The following TIPIN variants were observed in gnomAD, a reference collection of about 807,000 sequenced individuals.
TIPIN encodes TIMELESS interacting protein.
Under a neutral mutation model 35.6 loss-of-function variants are expected in TIPIN, and 29 were observed. The ratio of observed to expected loss-of-function variants is 0.82; its 90% CI spans 0.61 to 1.11. TIPIN has a LOEUF of 1.11. TIPIN is among the 50% of genes most tolerant of loss of function. The pLI is 0.00. For synonymous variants in TIPIN, 102 were observed against 121.5 expected, an observed-to-expected ratio of 0.84 and a Z score of 1.06; for missense variants, 296 against 345.4, an observed-to-expected ratio of 0.86 and a Z score of 1.13.
At chr15:66,371,380 A>C in intron 1 of TIPIN, 1 of 985,168 alleles carries the variant, frequency 1.0e-6, no homozygotes, top group South Asian at 4.7e-5. Context: ...AATGTGAGAA[A>C]GGCCTATATC....
intron 4 of TIPIN, among the ~76,000 whole-genome samples, chr15:66,349,995 T>G (rs1595795684): frequency 6.6e-6 from 1 of 152,058 alleles, no homozygotes; most frequent in East Asian, 1.9e-4. Context: ...AGATTCTCGC[T>G]TTCTTACCCA....
At chr15:66,379,622 G>T in intron 1 of TIPIN, 3 of 1,609,346 alleles carry the variant, frequency 1.9e-6, no homozygotes, top group Non-Finnish European at 2.6e-6. Context: ...TGATGGGGAA[G>T]TAAGCATACA....
In TIPIN at chr15:66,367,982, C is replaced by T. The variant is rs559076424; in HGVS notation, c.-8-15027G>A. The stretch of plus-strand genomic sequence containing the variant: ...CTGAGTAGCTGGGACTACAGGTGCG[C>T]GCCACCATGGCTGACTAATTTTTGT... On this transcript the variant is annotated intron_variant, in intron 1 of 7. Transcript: ENST00000562124. Among the ~76,000 whole-genome samples the T allele has an allele frequency of 3.1e-4, 47 of 151,460 alleles. No individual in the cohort carries two copies. The South Asian group carries it at 5.8e-3, about 19-fold the overall frequency.
At chr15:66,367,649 T>C (rs1000498095) in intron 1 of TIPIN, among the ~76,000 whole-genome samples, 6 of 151,868 alleles carry the variant, frequency 4.0e-5, no homozygotes, top group Non-Finnish European at 7.4e-5. Context: ...TGCCTCGGCC[T>C]CCCAAAGTGC....
At chr15:66,371,839 G>A (rs917757280) in intron 1 of TIPIN, among the ~76,000 whole-genome samples, 2 of 151,908 alleles carry the variant, frequency 1.3e-5, no homozygotes, top group African/African-American at 4.8e-5. Context: ...CTTTTGCCCA[G>A]GCTGGGGTGC....
chr15:66,355,223 C>A (rs2093195673), intron 1 of TIPIN, among the ~76,000 whole-genome samples: 1 of 150,872 alleles, frequency 6.6e-6, no homozygotes, highest in Admixed American at 6.6e-5. Flanking sequence ...TTCATAGAGA[C>A]GGTGTTTCAC....
intron 1 of TIPIN, among the ~76,000 whole-genome samples, chr15:66,355,300 T>G (rs1260149763): frequency 1.3e-5 from 2 of 151,412 alleles, no homozygotes; most frequent in African/African-American, 4.8e-5. Context: ...CCTAAAATGC[T>G]GGGATTACAG....
intron 1 of TIPIN, among the ~76,000 whole-genome samples, chr15:66,365,530 C>T (rs1428506346): frequency 6.6e-6 from 1 of 152,160 alleles, no homozygotes; most frequent in Non-Finnish European, 1.5e-5. Context: ...GCCCAAGCTG[C>T]TGCTCTGCAT....
At chr15:66,382,120 TCAC>T (rs2093320900) in intron 1 of TIPIN, among the ~76,000 whole-genome samples, 1 of 152,202 alleles carries the variant, frequency 6.6e-6, no homozygotes, top group South Asian at 2.1e-4. Flanking sequence ...CCTATCACCA[TCAC>T]CATTTATTTA....
chr15:66,352,902 C>T lies in TIPIN; in HGVS notation c.46G>A (p.Glu16Lys). ...ENGVIDLPDY[E>K]HVEDETFPPF... ...GGAAAAGTTTCATCTTCTACATGCT[C>T]ATAATCTGGTAGGTCAATCACGCCA... is the stretch of plus-strand genomic sequence containing the variant. Residue 16 changes from glutamate to lysine, a missense_variant, in exon 2 of 8, where the codon GAG (glutamate) becomes AAG (lysine). Glu to Lys is a moderately conservative substitution (Grantham distance 56, BLOSUM62 1). Transcript: ENST00000261881. 1 of 1,614,074 alleles carries T rather than the reference C, an allele frequency of 6.2e-7. No individual in the cohort carries two copies. The highest frequency in any genetic ancestry group is 8.5e-7 in the Non-Finnish European group (1 of 1,179,994).
At chr15:66,349,526 A>G in intron 4 of TIPIN, 89 bp from the exon 5 acceptor site, 1 of 1,488,774 alleles carries the variant, frequency 6.7e-7, no homozygotes, top group South Asian at 1.3e-5. Context: ...AGCTATGCCA[A>G]AATCACTGGG....
intron 1 of TIPIN, among the ~76,000 whole-genome samples, chr15:66,353,416 G>A (rs1394210734): frequency 6.6e-6 from 1 of 151,948 alleles, no homozygotes. Flanking sequence ...AGGAGATCGA[G>A]ACCATCCTGG....
intron 4 of TIPIN, among the ~76,000 whole-genome samples, chr15:66,350,597 C>T (rs746815495): frequency 7.4e-6 from 1 of 135,486 alleles, no homozygotes; most frequent in Non-Finnish European, 1.6e-5. Flanking sequence ...AAGGGCAAAA[C>T]TTCATCTCAA....
At chr15:66,357,728 C>T (rs1205119696), upstream of TIPIN, among the ~76,000 whole-genome samples, 2 of 151,670 alleles carry the variant, frequency 1.3e-5, no homozygotes, top group East Asian at 1.9e-4. Flanking sequence ...GAGGCCGAGG[C>T]GGGCAGATCA....
intron 4 of TIPIN, among the ~76,000 whole-genome samples, chr15:66,351,308 A>G (rs533203410): frequency 2.0e-4 from 31 of 152,334 alleles, no homozygotes; most frequent in African/African-American, 7.0e-4. Flanking sequence ...TGATTTTCCT[A>G]TAGCCAAGGT....
chr15:66,378,493 T>C (rs1414206980), intron 1 of TIPIN, among the ~76,000 whole-genome samples: 3 of 152,190 alleles, frequency 2.0e-5, no homozygotes, highest in Admixed American at 6.6e-5. Flanking sequence ...ATATTGTAAA[T>C]GTTTATTTTC....
At chr15:66,356,812 C>G (rs1427221672), upstream of TIPIN, 2 of 834,986 alleles carry the variant, frequency 2.4e-6, no homozygotes, top group Non-Finnish European at 2.9e-6. Flanking sequence ...CCCAGCACGC[C>G]GGTCCCGCCT....
intron 7 of TIPIN, among the ~76,000 whole-genome samples, chr15:66,340,171 C>CTTTTTTTTTT: frequency 1.4e-5 from 1 of 69,568 alleles, no homozygotes; most frequent in Non-Finnish European, 2.7e-5. Context: ...TGCGCCTGGC[C>CTTTTTTTTTT]TTTTTTTTTT....
At chr15:66,382,571 C>T (rs1015948604) in intron 1 of TIPIN, among the ~76,000 whole-genome samples, 40 of 152,060 alleles carry the variant, frequency 2.6e-4, no homozygotes, top group Admixed American at 3.9e-4. Context: ...GATGGGGTTT[C>T]GTCATATTGC....
Sources: allele counts gnomAD v4.1 joint callset (sites outside exome capture counted in the v4.1 genomes callset), GRCh38; gene constraint gnomAD v4.1.1; transcripts MANE v1.5; gene names NCBI Gene and HGNC (gene_info 2026-07-23, HGNC 2026-07-21).